Variants in LYST observed in about 807,000 individuals in gnomAD.
LYST encodes lysosomal-trafficking regulator.
A neutral mutation model predicts 413.6 loss-of-function variants in LYST; 192 were observed. The observed-to-expected ratio is 0.46, with a 90% CI of 0.41 to 0.52. The LOEUF (loss-of-function observed/expected upper bound fraction) is 0.52, where lower values mean the gene tolerates loss of function less well. Ranked by LOEUF, LYST falls within the 20% of genes least tolerant of loss-of-function variation. The pLI, the probability that LYST is intolerant of heterozygous loss-of-function variation, is 0.00. For synonymous variants in LYST, 1,525 were observed against 1,567.3 expected (o/e 0.97, Z 0.64); for missense variants, 3,815 against 4,499.9 (o/e 0.85, Z 4.35).
intron 15 of LYST, among the ~76,000 whole-genome samples, chr1:235,781,271 T>A (rs765326576): frequency 9.2e-5 from 14 of 152,174 alleles, no homozygotes; most frequent in Admixed American, 2.0e-4. Flanking sequence ...ATAAAGTTAA[T>A]TGTGAAGCTT....
chr1:235,749,715 GA>G (rs1225211116), intron 28 of LYST, among the ~76,000 whole-genome samples: 1 of 151,962 alleles, frequency 6.6e-6, no homozygotes, highest in African/African-American at 2.4e-5. Context: ...ACAGAAGTCA[GA>G]AAAAAGGACA....
chr1:235,693,605 G>A (rs1254262072), intron 46 of LYST, 119 bp from the exon 47 acceptor site: 5 of 1,045,484 alleles, frequency 4.8e-6, no homozygotes, highest in Non-Finnish European at 1.4e-6. Context: ...TTTGGTGCAA[G>A]ACCATCTTTA....
intron 8 of LYST, among the ~76,000 whole-genome samples, chr1:235,801,421 C>A (rs183199092): frequency 3.3e-5 from 5 of 151,446 alleles, no homozygotes; most frequent in Non-Finnish European, 5.9e-5. Context: ...TCTGACCCCC[C>A]CCTCAAATAC....
rs1046395988 is a variant in LYST, at chr1:235,854,016, T to C, written c.-98+12827A>G. Reference sequence around the variant, plus strand: ...AACTATGAAGGTTCATCCAGGTAAATCATCTCCCCGGCTTTCTATCCCTGT... The same window carrying C: ...AACTATGAAGGTTCATCCAGGTAAACCATCTCCCCGGCTTTCTATCCCTGT... On this transcript the variant is annotated intron_variant, in intron 1 of 52. Transcript: ENST00000389793. The surrounding 1 kb of genome is among the most constrained non-coding windows in gnomAD (Gnocchi z 4.1). 1.3e-5 allele frequency among the ~76,000 whole-genome samples: 2 copies of C among 152,082 alleles called. No individual in the cohort carries two copies. The highest frequency in any genetic ancestry group is 4.8e-5 in the African/African-American group (2 of 41,392).
In LYST at chr1:235,808,509, G is replaced by T; in HGVS notation, c.2309C>A (p.Pro770His). ...HVCSHHNQCLPQDVLQIYVKT... is the reference protein window; with the variant it reads ...HVCSHHNQCLHQDVLQIYVKT... ...TACATAAATCTGAAGCACGTCCTGA[G>T]GCAAGCACTGGTTATGATGGCTACA... The change falls in exon 5 of 53, where the codon CCT becomes CAT. Residue 770 changes from proline (P) to histidine (H), a missense_variant. Physicochemically the swap from Pro to His is moderately conservative, Grantham distance 77. Around this residue, in one of 4 missense-constraint regions of LYST, gnomAD observed 1,648 missense variants for 1,810.3 expected, o/e 0.91. Transcript: ENST00000389793. 1 of 1,613,744 alleles carries T rather than the reference G, an allele frequency of 6.2e-7. No homozygotes were observed. Among genetic ancestry groups the T allele is most frequent in the Admixed American group, 1.7e-5 (1 of 59,944 alleles).
chr1:235,878,888 A>AT (rs900635824), intron 1 of LYST, among the ~76,000 whole-genome samples: 34 of 150,664 alleles, frequency 2.3e-4, no homozygotes, highest in South Asian at 8.4e-4. Flanking sequence ...TAGTATTTAA[A>AT]TTTTTTTTTT....
chr1:235,878,256 G>A (rs1413984920), intron 1 of LYST, among the ~76,000 whole-genome samples: 2 of 152,164 alleles, frequency 1.3e-5, no homozygotes, highest in Non-Finnish European at 2.9e-5. Flanking sequence ...AGGCAGTCTT[G>A]GCAAGTTGCA....
upstream of LYST, among the ~76,000 whole-genome samples, chr1:235,868,984 C>CAA (rs1393533178): frequency 2.6e-5 from 4 of 152,150 alleles, no homozygotes; most frequent in African/African-American, 9.6e-5. Context: ...CATGAGACAC[C>CAA]GCTCCTGGCC....
At chr1:235,696,734 A>G (rs781723419) in intron 46 of LYST, among the ~76,000 whole-genome samples, 8 of 152,218 alleles carry the variant, frequency 5.3e-5, no homozygotes, top group African/African-American at 1.9e-4. Context: ...GCTTAAACCC[A>G]TGACTATATC....
chr1:235,800,482 T>C, intron 9 of LYST, 96 bp from the exon 10 acceptor site: 1 of 676,710 alleles, frequency 1.5e-6, no homozygotes, highest in Non-Finnish European at 2.6e-6. Context: ...GGGTATCTAC[T>C]ATATATGTAT....
chr1:235,774,288 T>C (rs1190538046), intron 18 of LYST, among the ~76,000 whole-genome samples: 2 of 152,172 alleles, frequency 1.3e-5, no homozygotes, highest in Non-Finnish European at 2.9e-5. Flanking sequence ...TTTAAAACGT[T>C]TTCAAAAAAG....
At chr1:235,861,272 C>A (rs956170881) in intron 1 of LYST, among the ~76,000 whole-genome samples, 2 of 152,084 alleles carry the variant, frequency 1.3e-5, no homozygotes, top group Admixed American at 1.3e-4. Flanking sequence ...TTATTTGATT[C>A]CTTTCTTGAT....
At chr1:235,826,787 T>A (rs368765786) in intron 3 of LYST, among the ~76,000 whole-genome samples, 13 of 152,098 alleles carry the variant, frequency 8.5e-5, no homozygotes, top group East Asian at 7.7e-4. Context: ...GCTCAAGCAA[T>A]CCTCTCACCT....
At chr1:235,759,831 A>T (rs1667406880) in intron 22 of LYST, among the ~76,000 whole-genome samples, 1 of 152,130 alleles carries the variant, frequency 6.6e-6, no homozygotes, top group African/African-American at 2.4e-5. Flanking sequence ...AGCTTACTGC[A>T]GCCTCTAACT....
At chr1:235,866,074 TC>T (rs1680468254) in intron 1 of LYST, among the ~76,000 whole-genome samples, 1 of 152,230 alleles carries the variant, frequency 6.6e-6, no homozygotes, top group Non-Finnish European at 1.5e-5. Flanking sequence ...AGGAAACGTT[TC>T]TTAAAGCCTC....
chr1:235,850,800 G>C (rs368003185), intron 1 of LYST, among the ~76,000 whole-genome samples: 1 of 151,938 alleles, frequency 6.6e-6, no homozygotes, highest in African/African-American at 2.4e-5. Flanking sequence ...ATGATCAGGG[G>C]AATGCAAATC....
Position 235,757,308 on chromosome 1 carries a change from T to C in LYST, c.7032A>G (p.Ser2344=), listed in dbSNP as rs1369137701. Residue 2344 remains serine (S), a synonymous_variant, in exon 24 of 53, where the codon TCA becomes TCG. Transcript: ENST00000389793. ...TAATAACACCTTGTTGTATAGCTGG[T>C]GATGGGTGGTTAACGAGGACCAAAA... is the stretch of plus-strand genomic sequence containing the variant. ...DTLLVLVNHP[S]PAIQQGVIKL... 1.2e-6 allele frequency: 2 copies of C among 1,613,558 alleles called. No individual in the cohort carries two copies. The highest frequency in any genetic ancestry group is 3.3e-5 in the Admixed American group (2 of 59,982).
chr1:235,709,884 G>T (rs577563448), intron 43 of LYST, among the ~76,000 whole-genome samples: 1 of 140,256 alleles, frequency 7.1e-6, no homozygotes, highest in Non-Finnish European at 1.5e-5. Flanking sequence ...AAGCATTCCT[G>T]TAGATAGCAA....
intron 47 of LYST, among the ~76,000 whole-genome samples, chr1:235,688,756 G>T (rs192351124): frequency 6.6e-6 from 1 of 151,948 alleles, no homozygotes; most frequent in African/African-American, 2.4e-5. Context: ...AGGCCGAGGC[G>T]GGCGGATCAT....
Sources: allele counts gnomAD v4.1 joint callset (sites outside exome capture counted in the v4.1 genomes callset), GRCh38; gene constraint gnomAD v4.1.1; regional missense constraint gnomAD v4.1.1; non-coding constraint Gnocchi (gnomAD v3.1); transcripts MANE v1.5; gene names NCBI Gene and HGNC (gene_info 2026-07-23, HGNC 2026-07-21).